DPYD: variants seen among roughly 807,000 people sequenced by gnomAD.
The protein encoded by DPYD is dihydropyrimidine dehydrogenase [NADP(+)].
DPYD carries 109 observed loss-of-function variants against 116.2 expected under a neutral mutation model. The observed-to-expected ratio is 0.94, with a 90% confidence interval of 0.80 to 1.10. The LOEUF (loss-of-function observed/expected upper bound fraction) is 1.10, where lower values mean the gene tolerates loss of function less well. Ranked by LOEUF, DPYD falls within the 50% of genes least tolerant of loss-of-function variation. The probability of loss-of-function intolerance (pLI) is 0.00; values close to 1 mark genes in which losing one functional copy is unlikely to be tolerated. For missense variants in DPYD, 1,302 were observed against 1,254.5 expected (o/e 1.04, Z -0.57); for synonymous variants, 440 against 432.0 (o/e 1.02, Z -0.23).
chr1:97,275,962 A>G (rs1432961074), intron 18 of DPYD, among the ~76,000 whole-genome samples: 1 of 140,340 alleles, frequency 7.1e-6, no homozygotes, highest in Non-Finnish European at 1.6e-5. Flanking sequence ...TAGCCATTGG[A>G]CCTCTTTTTT....
chr1:97,321,022 A>G (rs77082664), intron 16 of DPYD, among the ~76,000 whole-genome samples: 1 of 99,922 alleles, frequency 1.0e-5, no homozygotes, highest in Non-Finnish European at 2.0e-5. Flanking sequence ...GGGAAAACTG[A>G]CTAGCCATAT....
At chr1:97,865,426 C>A (rs1671327474) in intron 2 of DPYD, among the ~76,000 whole-genome samples, 1 of 151,822 alleles carries the variant, frequency 6.6e-6, no homozygotes, top group Admixed American at 6.6e-5. Flanking sequence ...GACCTAAAAT[C>A]CATGATTTAT....
intron 14 of DPYD, among the ~76,000 whole-genome samples, chr1:97,414,291 G>T (rs1217542497): frequency 6.6e-6 from 1 of 152,084 alleles, no homozygotes; most frequent in African/African-American, 2.4e-5. Context: ...TATCAGCCTT[G>T]GTTGAGTAGA....
chr1:97,824,500 A>T (rs1397060268), intron 3 of DPYD, among the ~76,000 whole-genome samples: 1 of 152,216 alleles, frequency 6.6e-6, no homozygotes, highest in African/African-American at 2.4e-5. Context: ...AAAATTAAAC[A>T]TTCGGTTCTT....
chr1:97,769,070 T>C (rs1433939811), intron 3 of DPYD, among the ~76,000 whole-genome samples: 2 of 152,092 alleles, frequency 1.3e-5, no homozygotes, highest in African/African-American at 2.4e-5. Context: ...AAGATATAAC[T>C]TATAAGAGGA....
At chr1:97,403,748 T>C (rs970783331) in intron 14 of DPYD, among the ~76,000 whole-genome samples, 1 of 152,046 alleles carries the variant, frequency 6.6e-6, no homozygotes, top group Non-Finnish European at 1.5e-5. Context: ...TTTTTTCAAA[T>C]AATCAGATTT....
chr1:97,426,827 T>C (rs915784345), intron 14 of DPYD, among the ~76,000 whole-genome samples: 2 of 152,078 alleles, frequency 1.3e-5, no homozygotes, highest in Non-Finnish European at 2.9e-5. Context: ...AGGGAGGTGC[T>C]CTAGAAAAGA....
At chr1:97,439,188 G>T (rs538373168) in intron 14 of DPYD, among the ~76,000 whole-genome samples, 1 of 151,948 alleles carries the variant, frequency 6.6e-6, no homozygotes, top group Admixed American at 6.6e-5. Context: ...TATGAACTAT[G>T]CTACTTTCAA....
chr1:97,432,669 T>C (rs1029469821), intron 14 of DPYD, among the ~76,000 whole-genome samples: 1 of 152,042 alleles, frequency 6.6e-6, no homozygotes, highest in Non-Finnish European at 1.5e-5. Flanking sequence ...TTTTATTGAG[T>C]GCCAGATGGT....
At chr1:97,113,929 T>C (rs1313588261) in intron 20 of DPYD, among the ~76,000 whole-genome samples, 2 of 152,094 alleles carry the variant, frequency 1.3e-5, no homozygotes, top group African/African-American at 2.4e-5. Flanking sequence ...GTAAAATGCA[T>C]TGTGTTTTCT....
chr1:97,738,044 T>C (rs1466622156), intron 4 of DPYD, among the ~76,000 whole-genome samples: 3 of 152,230 alleles, frequency 2.0e-5, no homozygotes, highest in Admixed American at 1.3e-4. Context: ...TGCAAAATCA[T>C]GGAAAAATCG....
At chr1:97,758,801 G>A (rs1196567695) in intron 3 of DPYD, among the ~76,000 whole-genome samples, 1 of 152,096 alleles carries the variant, frequency 6.6e-6, no homozygotes, top group African/African-American at 2.4e-5. Context: ...TTAGCCTCCT[G>A]CACAGGAAAC....
intron 13 of DPYD, 74 bp downstream of exon 13, chr1:97,515,651 AT>A: frequency 7.5e-7 from 1 of 1,327,242 alleles, no homozygotes; most frequent in Non-Finnish European, 1.0e-6. Context: ...AGTAAAAAAA[AT>A]CCATTATAAT....
chr1:97,178,035 A>G (rs1326755022), intron 20 of DPYD, among the ~76,000 whole-genome samples: 2 of 152,154 alleles, frequency 1.3e-5, no homozygotes, highest in African/African-American at 4.8e-5. Context: ...ACCTCCTAAT[A>G]GCATCACCTT....
At chr1:97,602,904 TG>T (rs1303438423) in intron 8 of DPYD, among the ~76,000 whole-genome samples, 8 of 151,964 alleles carry the variant, frequency 5.3e-5, no homozygotes, top group African/African-American at 1.4e-4. Flanking sequence ...TTGGTTTAGT[TG>T]AAACATTTCT....
intron 18 of DPYD, among the ~76,000 whole-genome samples, chr1:97,300,768 T>C (rs772273679): frequency 1.6e-4 from 24 of 152,198 alleles, no homozygotes; most frequent in Admixed American, 2.6e-4. Flanking sequence ...CAAGTTATTA[T>C]TGCATTCTAA....
chr1:97,373,507 G>T, intron 16 of DPYD, 54 bp downstream of exon 16: 1 of 1,482,912 alleles, frequency 6.7e-7, no homozygotes, highest in South Asian at 1.1e-5. Flanking sequence ...CTATCCATAC[G>T]GGGGCCTGTT....
chr1:97,467,681 C>T (rs779855400), intron 13 of DPYD, among the ~76,000 whole-genome samples: 1 of 152,224 alleles, frequency 6.6e-6, no homozygotes, highest in African/African-American at 2.4e-5. Flanking sequence ...GATGTATTTA[C>T]GTAGGTCAAT....
At chr1:97,289,970 G>T (rs1315684829) in intron 18 of DPYD, among the ~76,000 whole-genome samples, 1 of 152,120 alleles carries the variant, frequency 6.6e-6, no homozygotes, top group African/African-American at 2.4e-5. Flanking sequence ...TCCTTAAGCT[G>T]ATAAGCAACT....
Sources: allele counts gnomAD v4.1 joint callset (sites outside exome capture counted in the v4.1 genomes callset), GRCh38; gene constraint gnomAD v4.1.1; transcripts MANE v1.5; gene names NCBI Gene and HGNC (gene_info 2026-07-23, HGNC 2026-07-21).